VPS13A: variants seen among roughly 807,000 people sequenced by gnomAD.
VPS13A encodes the protein intermembrane lipid transfer protein VPS13A.
VPS13A carries 264 observed loss-of-function variants against 390.9 expected under a neutral mutation model. The observed-to-expected ratio is 0.68, with a 90% CI of 0.61 to 0.75. VPS13A has a LOEUF of 0.75. Ranked by LOEUF, VPS13A falls within the 30% of genes least tolerant of loss-of-function variation. The probability of loss-of-function intolerance (pLI) is 0.00; values close to 1 mark genes in which losing one functional copy is unlikely to be tolerated. For missense variants in VPS13A, 3,409 were observed against 3,733.9 expected, an observed-to-expected ratio of 0.91 and a Z score of 2.27; for synonymous variants, 1,231 against 1,227.1, an observed-to-expected ratio of 1.00 and a Z score of -0.07.
chr9:77,411,521 G>C (rs1034649925), intron 71 of VPS13A, among the ~76,000 whole-genome samples: 1 of 151,862 alleles, frequency 6.6e-6, no homozygotes, highest in African/African-American at 2.4e-5. Flanking sequence ...AAATTAGCCG[G>C]GCGAGGTGGC....
In VPS13A at chr9:77,316,324, G is replaced by C; in HGVS notation, c.4781G>C (p.Ser1594Thr). 2.5e-6 allele frequency: 4 copies of C among 1,613,204 alleles called. No individual in the cohort carries two copies. The East Asian group carries it at 8.9e-5, about 36-fold the overall frequency. ...EICYKGNLEN[S>T]TMTAAIKDLQ... Reference sequence around the variant, plus strand: ...TGCTATAAAGGTAACCTTGAAAATAGTACAATGACTGCTGCCATTAAAGAT... The same window carrying C: ...TGCTATAAAGGTAACCTTGAAAATACTACAATGACTGCTGCCATTAAAGAT... Residue 1594 changes from serine (S) to threonine (T), a missense_variant, in exon 39 of 72, where the codon AGT becomes ACT. Transcript: ENST00000360280.
chr9:77,305,311 T>C (rs1332463176), intron 34 of VPS13A, among the ~76,000 whole-genome samples: 3 of 152,224 alleles, frequency 2.0e-5, no homozygotes, highest in Non-Finnish European at 2.9e-5. Flanking sequence ...TCTTAGTGTG[T>C]AAGATAATAA....
At chr9:77,412,524 G>T (rs1447043629) in intron 71 of VPS13A, among the ~76,000 whole-genome samples, 1 of 152,106 alleles carries the variant, frequency 6.6e-6, no homozygotes, top group Non-Finnish European at 1.5e-5. Context: ...TGCAGAAAAG[G>T]CCTTTGACGA....
chr9:77,376,310 C>G (rs1024960830), intron 67 of VPS13A, among the ~76,000 whole-genome samples: 1 of 152,070 alleles, frequency 6.6e-6, no homozygotes, highest in Non-Finnish European at 1.5e-5. Flanking sequence ...AGGACTTAGG[C>G]TTTTGCTTAA....
chr9:77,263,049 A>G (rs1825845244), intron 23 of VPS13A, among the ~76,000 whole-genome samples: 1 of 151,996 alleles, frequency 6.6e-6, no homozygotes, highest in Non-Finnish European at 1.5e-5. Flanking sequence ...CACTCCCACC[A>G]GCAGTGTAAA....
At chr9:77,284,433 T>C (rs1051202717) in intron 31 of VPS13A, among the ~76,000 whole-genome samples, 4 of 152,306 alleles carry the variant, frequency 2.6e-5, no homozygotes, top group South Asian at 2.1e-4. Context: ...TTATGGCTTA[T>C]TTAGTGGGAT....
intron 68 of VPS13A, among the ~76,000 whole-genome samples, chr9:77,388,205 A>C (rs1050293913): frequency 6.6e-6 from 1 of 152,340 alleles, no homozygotes; most frequent in African/African-American, 2.4e-5. Flanking sequence ...CTTTGGAATA[A>C]ATGGAGATCA....
rs1835236208 is a variant in VPS13A at position 77,418,350 on chromosome 9, A to ATGATAATTGTGTGAGGACTAAGGCAG, written c.*2345_*2370dup. ...TCCAGCACAGCATGTCTTCTGGTCT[A>ATGATAATTGTGTGAGGACTAAGGCAG]TGATAATTGTGTGAGGACTAAGGCA... is the stretch of plus-strand genomic sequence containing the variant. On this transcript the variant is annotated 3_prime_UTR_variant, in exon 72 of 72. Transcript: ENST00000360280. 3 of 152,188 alleles carry ATGATAATTGTGTGAGGACTAAGGCAG rather than the reference A, an allele frequency of 2.0e-5. No homozygotes were observed. The highest frequency in any genetic ancestry group is 4.4e-5 in the Non-Finnish European group (3 of 68,036). The allele number at this position is 152,188 out of a possible 1,614,324, so 9.4% of individuals were successfully genotyped here.
intron 14 of VPS13A, 128 bp from the exon 15 acceptor site, chr9:77,226,338 A>C: frequency 1.2e-6 from 1 of 837,022 alleles, no homozygotes. Flanking sequence ...GTGTTCTGTT[A>C]TTAATGTGTA....
intron 68 of VPS13A, among the ~76,000 whole-genome samples, chr9:77,391,538 A>G (rs531902731): frequency 6.6e-6 from 1 of 152,304 alleles, no homozygotes; most frequent in East Asian, 1.9e-4. Context: ...TTGATATCCT[A>G]GTCACTTCTA....
chr9:77,195,688 G>C (rs1012307962), intron 1 of VPS13A, among the ~76,000 whole-genome samples: 7 of 152,114 alleles, frequency 4.6e-5, no homozygotes, highest in Admixed American at 4.6e-4. Context: ...AGTGAGCTGA[G>C]ATCGTGCCAC....
chr9:77,254,485 T>C (rs1377640900), intron 22 of VPS13A, among the ~76,000 whole-genome samples: 2 of 152,210 alleles, frequency 1.3e-5, no homozygotes, highest in South Asian at 2.1e-4. Flanking sequence ...GTTATTTAAC[T>C]TTGTTCTTTC....
Position 77,282,777 on chromosome 9 carries a change from G to C in VPS13A, c.3118+503G>C, listed in dbSNP as rs142154173. ...AGCCTGGGCAACATAGCAAGACCCT[G>C]TCTCCAACAAAATTTTAAAAATTAG... is the stretch of plus-strand genomic sequence containing the variant. On this transcript the variant is annotated intron_variant, in intron 29 of 71. Transcript: ENST00000360280. Among the ~76,000 whole-genome samples, 666 of 152,094 alleles carry C rather than the reference G, an allele frequency of 4.4e-3. 4 individuals are homozygous for C. Among genetic ancestry groups the C allele is most frequent in the Middle Eastern group, 0.014 (4 of 292 alleles).
At position 77,253,337 on chromosome 9, in the gene VPS13A, C is replaced by T. The variant is rs1825247684; in HGVS notation, c.2288+985C>T. Reference sequence around the variant, plus strand: ...TTTCTGTTTTTCGAGATGGAGTCTCCCTCTGTCACCCAGGCTGGAGTGCAG... The same window carrying T: ...TTTCTGTTTTTCGAGATGGAGTCTCTCTCTGTCACCCAGGCTGGAGTGCAG... On this transcript the variant is annotated intron_variant, in intron 22 of 71. Coordinates refer to ENST00000360280, the MANE Select transcript of VPS13A (RefSeq NM_033305.3). Among the ~76,000 whole-genome samples, 3 of 151,984 alleles carry T rather than the reference C, an allele frequency of 2.0e-5. No individual in the cohort carries two copies. In the South Asian group the frequency reaches 6.2e-4, roughly 32 times the overall value.
At chr9:77,410,081 A>C (rs1473409088) in intron 71 of VPS13A, among the ~76,000 whole-genome samples, 1 of 152,216 alleles carries the variant, frequency 6.6e-6, no homozygotes, top group Admixed American at 6.5e-5. Flanking sequence ...AGCCCATCAG[A>C]CTAATAGCTG....
chr9:77,219,017 A>AT (rs1823027732), intron 10 of VPS13A, among the ~76,000 whole-genome samples: 1 of 152,102 alleles, frequency 6.6e-6, no homozygotes, highest in Non-Finnish European at 1.5e-5. Context: ...GGAATGATTA[A>AT]AATAACTGAT....
intron 31 of VPS13A, among the ~76,000 whole-genome samples, chr9:77,291,060 G>A (rs138294779): frequency 2.0e-5 from 3 of 152,248 alleles, no homozygotes; most frequent in African/African-American, 7.2e-5. Flanking sequence ...CTGTAGAACG[G>A]TACCGGTCTG....
chr9:77,385,920 A>AG (rs1339218179), intron 68 of VPS13A, among the ~76,000 whole-genome samples: 5 of 152,076 alleles, frequency 3.3e-5, no homozygotes, highest in African/African-American at 1.2e-4. Flanking sequence ...TGCAAAAAAA[A>AG]CTGAAAAAAA....
At chr9:77,348,949 TAATC>T (rs1212927862) in intron 52 of VPS13A, among the ~76,000 whole-genome samples, 5 of 152,224 alleles carry the variant, frequency 3.3e-5, no homozygotes, top group African/African-American at 7.2e-5. Flanking sequence ...ATTTATTTGA[TAATC>T]AACACATTTA....
Sources: gnomAD v4.1 joint callset for allele counts (sites outside exome capture counted in the v4.1 genomes callset) on GRCh38, gnomAD v4.1.1 for gene constraint, MANE v1.5 for transcripts, NCBI Gene and HGNC (gene_info 2026-07-23, HGNC 2026-07-21) for gene names.